Variants in BCAS3 observed in about 807,000 individuals in gnomAD.
The protein encoded by BCAS3 is BCAS3 microtubule associated cell migration factor.
Under a neutral mutation model 116.1 loss-of-function variants are expected in BCAS3, and 53 were observed. That is an observed-to-expected ratio of 0.46 (90% CI 0.37 to 0.57). BCAS3 has a LOEUF of 0.57. Ranked by LOEUF, BCAS3 falls within the 20% of genes least tolerant of loss-of-function variation. The pLI, the probability that BCAS3 is intolerant of heterozygous loss-of-function variation, is 0.00. For missense variants in BCAS3, 917 were observed against 1,165.4 expected (o/e 0.79, Z 3.10); for synonymous variants, 391 against 408.2 (o/e 0.96, Z 0.51).
At position 60,967,854 on chromosome 17, in the gene BCAS3, C is replaced by A. The variant is rs556604126; in HGVS notation, c.1221+20502C>A. Among the ~76,000 whole-genome samples, 1 of 152,042 alleles carries A rather than the reference C, an allele frequency of 6.6e-6. No homozygotes were observed. The highest frequency in any genetic ancestry group is 1.5e-5 in the Non-Finnish European group (1 of 68,016). On this transcript the variant is annotated intron_variant, in intron 14 of 23. Coordinates refer to ENST00000407086, the MANE Select transcript of BCAS3 (RefSeq NM_017679.5). The surrounding 1 kb of genome is among the most constrained non-coding windows in gnomAD (Gnocchi z 4.7). ...AGAGTCTCTGATGACTTCTTCAGTTCAGCAAATATGTTTCTCAGTTCCAAG... is the reference window on the plus strand; with the variant it reads ...AGAGTCTCTGATGACTTCTTCAGTTAAGCAAATATGTTTCTCAGTTCCAAG...
intron 22 of BCAS3, among the ~76,000 whole-genome samples, chr17:61,269,672 T>C (rs553176142): frequency 2.2e-4 from 34 of 152,228 alleles, no homozygotes; most frequent in Non-Finnish European, 4.3e-4. Context: ...TGATCTACCA[T>C]TGTGATTCTG....
In BCAS3 at chr17:61,126,889, A is replaced by G. The variant is rs1029557507; in HGVS notation, c.2425+42325A>G. On this transcript the variant is annotated intron_variant, in intron 22 of 23. Transcript: ENST00000407086. The surrounding 1 kb of genome is among the most constrained non-coding windows in gnomAD (Gnocchi z 4.6). ...TACTTTGAATACAGGAATGTCTTACATGGTAACAAGAATACAAAATGTGTT... is the reference window on the plus strand; with the variant it reads ...TACTTTGAATACAGGAATGTCTTACGTGGTAACAAGAATACAAAATGTGTT... 1.3e-5 allele frequency among the ~76,000 whole-genome samples: 2 copies of G among 152,170 alleles called. No homozygotes were observed. Among genetic ancestry groups the G allele is most frequent in the African/African-American group, 4.8e-5 (2 of 41,450 alleles).
chr17:60,798,231 A>C (rs2047392143), intron 6 of BCAS3, among the ~76,000 whole-genome samples: 1 of 152,254 alleles, frequency 6.6e-6, no homozygotes, highest in Non-Finnish European at 1.5e-5. Flanking sequence ...AGAAATTTTC[A>C]TAAATGTGTA....
Position 60,783,023 on chromosome 17 carries a change from C to T in BCAS3, c.404-24981C>T, listed in dbSNP as rs572066995. On this transcript the variant is annotated intron_variant, in intron 6 of 23. Coordinates refer to ENST00000407086, the MANE Select transcript of BCAS3 (RefSeq NM_017679.5). The stretch of plus-strand genomic sequence containing the variant: ...TCTAGGGACTGGAAGGGATGAATAG[C>T]CAGAGCACACAGGATTTTTCGGGCA... Among the ~76,000 whole-genome samples, 63 of 152,164 alleles carry T rather than the reference C, an allele frequency of 4.1e-4. 1 individual carries two copies. Among genetic ancestry groups the T allele is most frequent in the Non-Finnish European group, 5.7e-4 (39 of 68,004 alleles).
chr17:61,011,255 G>A lies in BCAS3; in HGVS notation c.1487-4496G>A, dbSNP rs1481002125. 3.9e-5 allele frequency among the ~76,000 whole-genome samples: 6 copies of A among 152,090 alleles called. No individual in the cohort carries two copies. The South Asian group carries it at 6.2e-4, about 16-fold the overall frequency. ...TTTGTATCTTATGTATTTCTGAGAG[G>A]TGAAGCAAAGAAAAAGAATAGCAAT... is the stretch of plus-strand genomic sequence containing the variant. On this transcript the variant is annotated intron_variant, in intron 15 of 23. Transcript: ENST00000407086.
At chr17:61,010,466 A>G (rs1474751280) in intron 15 of BCAS3, among the ~76,000 whole-genome samples, 1 of 151,858 alleles carries the variant, frequency 6.6e-6, no homozygotes, top group Non-Finnish European at 1.5e-5. Flanking sequence ...AAAAAAGAGC[A>G]CAAGAAGTTG....
chr17:61,006,397 C>G (rs909589289), intron 15 of BCAS3, among the ~76,000 whole-genome samples: 5 of 152,074 alleles, frequency 3.3e-5, no homozygotes, highest in Non-Finnish European at 7.4e-5. Context: ...GAACCAACTT[C>G]TGATACTTCT....
At chr17:61,288,564 A>C (rs1283788200) in intron 22 of BCAS3, among the ~76,000 whole-genome samples, 1 of 152,204 alleles carries the variant, frequency 6.6e-6, no homozygotes, top group African/African-American at 2.4e-5. Context: ...GTTGAAGTTC[A>C]GCCCAAGACC....
intron 10 of BCAS3, among the ~76,000 whole-genome samples, chr17:60,891,474 C>G (rs1448701424): frequency 6.6e-6 from 1 of 152,158 alleles, no homozygotes; most frequent in African/African-American, 2.4e-5. Context: ...GCTTTCATCT[C>G]AAAATATTTC....
At chr17:61,275,419 T>G (rs1364536168) in intron 22 of BCAS3, among the ~76,000 whole-genome samples, 1 of 152,024 alleles carries the variant, frequency 6.6e-6, no homozygotes, top group Non-Finnish European at 1.5e-5. Context: ...TGCCATTGAG[T>G]CTCTTGGTGG....
rs78282057 is a variant in BCAS3, at chr17:61,174,690, T to C, written c.2425+90126T>C. 5.3e-4 allele frequency among the ~76,000 whole-genome samples: 80 copies of C among 152,316 alleles called. 1 individual carries two copies. In the East Asian group the frequency reaches 0.015, roughly 29 times the overall value. ...ATATACCCAGTTTCAGGATTGCTCA[T>C]GGTTTGTATGGTTAAAATAAGGAAA... On this transcript the variant is annotated intron_variant, in intron 22 of 23. Coordinates refer to ENST00000407086, the MANE Select transcript of BCAS3 (RefSeq NM_017679.5).
At position 61,131,123 on chromosome 17, in the gene BCAS3, G is replaced by A. The variant is rs1265276760; in HGVS notation, c.2425+46559G>A. 6.6e-6 allele frequency among the ~76,000 whole-genome samples: 1 copy of A among 152,072 alleles called. No homozygotes were observed. The highest frequency in any genetic ancestry group is 1.5e-5 in the Non-Finnish European group (1 of 68,008). ...AGTAAACTCTGCCACTACCTAGCTAGGTTGACCTTTAACAAGTCTATTTAA... is the reference window on the plus strand; with the variant it reads ...AGTAAACTCTGCCACTACCTAGCTAAGTTGACCTTTAACAAGTCTATTTAA... On this transcript the variant is annotated intron_variant, in intron 22 of 23. Coordinates refer to ENST00000407086, the MANE Select transcript of BCAS3 (RefSeq NM_017679.5). This position sits in a 1 kb window ranked among gnomAD's most constrained non-coding sequence, Gnocchi z 4.4.
At chr17:61,263,995 C>T (rs887608842) in intron 22 of BCAS3, among the ~76,000 whole-genome samples, 4 of 152,094 alleles carry the variant, frequency 2.6e-5, no homozygotes, top group Non-Finnish European at 4.4e-5. Context: ...AAGTATAAAT[C>T]GACATAATCC....
chr17:60,701,768 T>C (rs1015018733), intron 4 of BCAS3, among the ~76,000 whole-genome samples: 8 of 145,038 alleles, frequency 5.5e-5, no homozygotes, highest in African/African-American at 2.1e-4. Context: ...AGGACTAGCC[T>C]GGCCAATGTG....
chr17:60,759,740 C>T (rs1470898807), intron 6 of BCAS3, among the ~76,000 whole-genome samples: 1 of 151,924 alleles, frequency 6.6e-6, no homozygotes, highest in African/African-American at 2.4e-5. Flanking sequence ...TTGTAGCTCA[C>T]TGCCACCTTG....
rs140487474 is a variant in BCAS3, at chr17:60,692,174, C to G, written c.214+2413C>G. On this transcript the variant is annotated intron_variant, in intron 4 of 23. Transcript: ENST00000407086. ...AGAGAAATAACTGATTGGTTAACAT[C>G]AGGTTACTTCAGGTTATCTTTTGTT... Among the ~76,000 whole-genome samples the G allele has an allele frequency of 1.1e-4, 16 of 152,210 alleles. No individual in the cohort carries two copies. In the East Asian group the frequency reaches 3.1e-3, roughly 29 times the overall value.
intron 22 of BCAS3, among the ~76,000 whole-genome samples, chr17:61,350,144 T>C (rs1225951136): frequency 2.6e-5 from 4 of 152,046 alleles, no homozygotes; most frequent in Admixed American, 2.0e-4. Flanking sequence ...TATATAAATT[T>C]TGGCTGGGTG....
In BCAS3 at chr17:60,821,969, A is replaced by G. The variant is rs144085050; in HGVS notation, c.476+13893A>G. ...ACATTCATTTTTATTGTGAAATATTATTATATTGGATTAGTTTACTAGAGT... is the reference window on the plus strand; with the variant it reads ...ACATTCATTTTTATTGTGAAATATTGTTATATTGGATTAGTTTACTAGAGT... On this transcript the variant is annotated intron_variant, in intron 7 of 23. Transcript: ENST00000407086. Among the ~76,000 whole-genome samples the G allele has an allele frequency of 5.1e-3, 780 of 152,276 alleles. 22 individuals carry two copies. Among genetic ancestry groups the G allele is most frequent in the Admixed American group, 0.043 (662 of 15,294 alleles).
intron 13 of BCAS3, among the ~76,000 whole-genome samples, chr17:60,936,464 C>G (rs2059932230): frequency 6.6e-6 from 1 of 152,112 alleles, no homozygotes; most frequent in African/African-American, 2.4e-5. Context: ...AACTAGTTTA[C>G]AGTCCCACCA....
Sources: allele counts gnomAD v4.1 joint callset (sites outside exome capture counted in the v4.1 genomes callset), GRCh38; gene constraint gnomAD v4.1.1; non-coding constraint Gnocchi (gnomAD v3.1); transcripts MANE v1.5; gene names NCBI Gene and HGNC (gene_info 2026-07-23, HGNC 2026-07-21).